CNPY1: variants seen among roughly 807,000 people sequenced by gnomAD.
The protein encoded by CNPY1 is canopy FGF signaling regulator 1.
Under a neutral mutation model 14.4 loss-of-function variants are expected in CNPY1, and 14 were observed. The observed-to-expected ratio is 0.97, with a 90% CI of 0.64 to 1.52. The LOEUF (loss-of-function observed/expected upper bound fraction) is 1.52, where lower values mean the gene tolerates loss of function less well. CNPY1 is among the 40% of genes most tolerant of loss of function. The pLI, the probability that CNPY1 is intolerant of heterozygous loss-of-function variation, is 0.00. For missense variants in CNPY1, 129 were observed against 131.5 expected (o/e 0.98, Z 0.09); for synonymous variants, 43 against 46.5 (o/e 0.92, Z 0.31).
chr7:155,516,006 C>T (rs1002491682), intron 2 of CNPY1, among the ~76,000 whole-genome samples: 34 of 129,782 alleles, frequency 2.6e-4, no homozygotes, highest in Non-Finnish European at 5.0e-4. Flanking sequence ...TGAACGTGCA[C>T]GCGTGTGTGT....
intron 2 of CNPY1, among the ~76,000 whole-genome samples, chr7:155,529,841 G>A (rs553426976): frequency 7.3e-4 from 110 of 151,494 alleles, no homozygotes; most frequent in African/African-American, 2.6e-3. Flanking sequence ...GGAGTGCAGT[G>A]GCATGATCTC....
Position 155,519,476 on chromosome 7 carries a change from G to A in CNPY1, c.100-10379C>T, listed in dbSNP as rs576948040. 1.5e-4 allele frequency among the ~76,000 whole-genome samples: 23 copies of A among 151,624 alleles called. No individual in the cohort carries two copies. The South Asian group carries it at 3.3e-3, about 22-fold the overall frequency. Reference sequence around the variant, plus strand: ...GTCAAGGCTGTGGTGGACCGACATCGCACCATTGCACTCCAGCCTGGGTGA... The same window carrying A: ...GTCAAGGCTGTGGTGGACCGACATCACACCATTGCACTCCAGCCTGGGTGA... On this transcript the variant is annotated intron_variant, in intron 2 of 4. Coordinates refer to ENST00000636446, the MANE Select transcript of CNPY1 (RefSeq NM_001393663.1).
chr7:155,505,472 A>G (rs1292781784), intron 4 of CNPY1, among the ~76,000 whole-genome samples: 1 of 152,220 alleles, frequency 6.6e-6, no homozygotes, highest in African/African-American at 2.4e-5. Context: ...ATAAATATGC[A>G]GAAGGAATGA....
chr7:155,506,925 G>A, intron 4 of CNPY1, 95 bp downstream of exon 4: 1 of 780,004 alleles, frequency 1.3e-6, no homozygotes. Flanking sequence ...GATCGCAGAG[G>A]CAGCGAGGCT....
intron 2 of CNPY1, among the ~76,000 whole-genome samples, chr7:155,533,113 C>T (rs1389380180): frequency 6.6e-6 from 1 of 152,232 alleles, no homozygotes; most frequent in East Asian, 1.9e-4. Flanking sequence ...AGTAACCAAG[C>T]ATACGCCGTA....
chr7:155,542,220 G>C (rs2116759963), intron 2 of CNPY1, among the ~76,000 whole-genome samples: 1 of 152,306 alleles, frequency 6.6e-6, no homozygotes, highest in Non-Finnish European at 1.5e-5. Flanking sequence ...AGTCAGGCAG[G>C]CAGGGAAGGC....
chr7:155,505,243 C>T (rs764516027), intron 4 of CNPY1, among the ~76,000 whole-genome samples: 6 of 152,168 alleles, frequency 3.9e-5, no homozygotes, highest in African/African-American at 1.2e-4. Context: ...CACTACGTAG[C>T]GGCTCAATGG....
intron 4 of CNPY1, among the ~76,000 whole-genome samples, chr7:155,505,879 G>A (rs77469675): frequency 1.1e-4 from 16 of 152,172 alleles, no homozygotes; most frequent in East Asian, 9.6e-4. Context: ...TCCTGACTAC[G>A]TCGTCTCACT....
chr7:155,541,790 G>A (rs539185235), intron 2 of CNPY1, among the ~76,000 whole-genome samples: 1 of 152,354 alleles, frequency 6.6e-6, no homozygotes, highest in East Asian at 1.9e-4. Flanking sequence ...AGGAAGGGAA[G>A]TCTTCCAGCC....
At chr7:155,540,267 A>G (rs561031616) in intron 2 of CNPY1, among the ~76,000 whole-genome samples, 45 of 152,332 alleles carry the variant, frequency 3.0e-4, no homozygotes, top group Non-Finnish European at 5.7e-4. Context: ...AGGACTTCCA[A>G]TGTCCTTTAA....
chr7:155,530,257 G>T (rs997259771), intron 2 of CNPY1, among the ~76,000 whole-genome samples: 1 of 145,946 alleles, frequency 6.9e-6, no homozygotes, highest in Admixed American at 6.9e-5. Flanking sequence ...TGGCAGCAAA[G>T]GTTTTTAAAT....
At chr7:155,529,351 C>T (rs1464281323) in intron 2 of CNPY1, among the ~76,000 whole-genome samples, 1 of 152,192 alleles carries the variant, frequency 6.6e-6, no homozygotes, top group Non-Finnish European at 1.5e-5. Flanking sequence ...CTTCAGATGC[C>T]TCTGGCCTGT....
At chr7:155,545,971 C>A in intron 1 of CNPY1, 28 bp from the exon 2 acceptor site, 1 of 398,570 alleles carries the variant, frequency 2.5e-6, no homozygotes, top group South Asian at 1.3e-4. Flanking sequence ...CAGCTGTGAT[C>A]AGAGGAGGAG....
At chr7:155,534,332 TGCACAGAG>T (rs1373279584) in intron 2 of CNPY1, among the ~76,000 whole-genome samples, 141 of 79,154 alleles carry the variant, frequency 1.8e-3, no homozygotes, top group African/African-American at 5.1e-3. Context: ...CACACACACG[TGCACAGAG>T]GCACACATGC....
chr7:155,519,909 C>T (rs1346643021), intron 2 of CNPY1, among the ~76,000 whole-genome samples: 1 of 152,178 alleles, frequency 6.6e-6, no homozygotes, highest in Non-Finnish European at 1.5e-5. Context: ...ACAGAGTGCT[C>T]AATAAGAATT....
chr7:155,545,942 C>T lies in CNPY1; in HGVS notation c.-13G>A, dbSNP rs942853855. ...CTATCTCGTCCATCAGCGCCCTGCA[C>T]GCTAAACAAGACACAAAACAGCTGT... On this transcript the variant is annotated splice_region_variant and 5_prime_UTR_variant, in exon 2 of 5. In the 5' UTR this introduces an upstream ATG that the reference lacks. Transcript: ENST00000636446. The T allele has an allele frequency of 2.0e-5, 8 of 398,454 alleles. No individual in the cohort carries two copies. The highest frequency in any genetic ancestry group is 1.3e-4 in the South Asian group (1 of 7,866). 24.7% of individuals were successfully genotyped at this position (398,454 alleles called of 1,614,324 possible).
intron 2 of CNPY1, among the ~76,000 whole-genome samples, chr7:155,544,010 A>T (rs1797130883): frequency 6.6e-6 from 1 of 152,234 alleles, no homozygotes; most frequent in Non-Finnish European, 1.5e-5. Flanking sequence ...AACAGAAAGC[A>T]GGGGAGGGTG....
intron 2 of CNPY1, among the ~76,000 whole-genome samples, chr7:155,528,870 C>G (rs558937672): frequency 6.6e-6 from 1 of 152,122 alleles, no homozygotes; most frequent in African/African-American, 2.4e-5. Context: ...ACCATCCTGG[C>G]TAACATGATG....
intron 2 of CNPY1, among the ~76,000 whole-genome samples, chr7:155,530,576 TA>T (rs1796920770): frequency 6.6e-6 from 1 of 152,190 alleles, no homozygotes; most frequent in African/African-American, 2.4e-5. Flanking sequence ...GCGATCCTTC[TA>T]CCTTAGCCTC....
Sources: allele counts gnomAD v4.1 joint callset (sites outside exome capture counted in the v4.1 genomes callset), GRCh38; gene constraint gnomAD v4.1.1; transcripts MANE v1.5; gene names NCBI Gene and HGNC (gene_info 2026-07-23, HGNC 2026-07-21).